YTHDF1: variants seen among roughly 807,000 people sequenced by gnomAD.
The protein encoded by YTHDF1 is YTH domain-containing family protein 1.
Under a neutral mutation model 49.1 loss-of-function variants are expected in YTHDF1, and 16 were observed. That is an observed-to-expected ratio of 0.33 (90% CI 0.22 to 0.49). The LOEUF (loss-of-function observed/expected upper bound fraction) is 0.49, where lower values mean the gene tolerates loss of function less well. Among genes scored for constraint, YTHDF1 ranks in the 20% least tolerant of loss-of-function variants. The probability of loss-of-function intolerance (pLI) is 0.99; values close to 1 mark genes in which losing one functional copy is unlikely to be tolerated. For synonymous variants in YTHDF1, 313 were observed against 290.1 expected (o/e 1.08, Z -0.80); for missense variants, 621 against 744.3 (o/e 0.83, Z 1.93).
chr20:63,211,657 T>C (rs1224143435), intron 3 of YTHDF1, among the ~76,000 whole-genome samples: 1 of 151,844 alleles, frequency 6.6e-6, no homozygotes, highest in Non-Finnish European at 1.5e-5. Context: ...GCTCCGACTT[T>C]ATAAAAATAT....
intron 4 of YTHDF1, among the ~76,000 whole-genome samples, chr20:63,201,530 G>A (rs181546827): frequency 3.3e-5 from 5 of 152,266 alleles, no homozygotes; most frequent in East Asian, 1.9e-4. Context: ...ACTCAATCCC[G>A]TCAGACATCA....
At chr20:63,209,274 A>G (rs2066562670) in intron 3 of YTHDF1, among the ~76,000 whole-genome samples, 1 of 152,092 alleles carries the variant, frequency 6.6e-6, no homozygotes, top group Non-Finnish European at 1.5e-5. Flanking sequence ...CAATTTTTAA[A>G]TTTTCCTTTC....
At position 63,202,606 on chromosome 20, in the gene YTHDF1, T is replaced by C. The variant is rs1250744991; in HGVS notation, c.1334A>G (p.His445Arg). The C allele has an allele frequency of 1.9e-6, 3 of 1,614,082 alleles. No homozygotes were observed. Among genetic ancestry groups the C allele is most frequent in the Non-Finnish European group, 2.5e-6 (3 of 1,180,030 alleles). ...YLLFSVNGSG[H>R]FCGVAEMKSP... is the part of the protein sequence containing the mutation. Reference sequence around the variant, plus strand: ...CTTCATCTCGGCCACCCCACAAAAATGCCCACTCCCATTGACGCTGAAGAG... The same window carrying C: ...CTTCATCTCGGCCACCCCACAAAAACGCCCACTCCCATTGACGCTGAAGAG... Residue 445 changes from histidine (H) to arginine (R), a missense_variant, in exon 4 of 5, where the codon CAT (histidine) becomes CGT (arginine). By Grantham distance (29) the His-to-Arg change is conservative. Around this residue, in one of 2 missense-constraint regions of YTHDF1, gnomAD observed 151 missense variants for 248.5 expected, o/e 0.61. Transcript: ENST00000370339.
chr20:63,206,112 G>T (rs2122982650), intron 3 of YTHDF1, among the ~76,000 whole-genome samples: 1 of 152,264 alleles, frequency 6.6e-6, no homozygotes, highest in South Asian at 2.1e-4. Context: ...CAGGCAAGGG[G>T]ACAGTCCCCC....
At chr20:63,210,030 G>A (rs778500203) in intron 3 of YTHDF1, among the ~76,000 whole-genome samples, 5 of 152,160 alleles carry the variant, frequency 3.3e-5, no homozygotes, top group Non-Finnish European at 7.4e-5. Context: ...GTATGGTACT[G>A]TACGTAACTG....
chr20:63,214,317 G>A (rs920704272), intron 2 of YTHDF1, among the ~76,000 whole-genome samples: 8 of 152,230 alleles, frequency 5.3e-5, no homozygotes, highest in South Asian at 2.1e-4. Flanking sequence ...ATGCCCAAAC[G>A]TATGGAGAAC....
At chr20:63,210,527 T>C (rs1426786413) in intron 3 of YTHDF1, among the ~76,000 whole-genome samples, 4 of 152,126 alleles carry the variant, frequency 2.6e-5, no homozygotes, top group Non-Finnish European at 5.9e-5. Context: ...CTCATGCTTG[T>C]AATCCCAGCA....
rs1379245368 is a variant in YTHDF1 at position 63,195,849 on chromosome 20, A to C, written c.*859T>G. 6.6e-6 allele frequency: 1 copy of C among 152,262 alleles called. No individual in the cohort carries two copies. Among genetic ancestry groups the C allele is most frequent in the Non-Finnish European group, 1.5e-5 (1 of 68,044 alleles). The allele number at this position is 152,262 out of a possible 1,614,324, so 9.4% of individuals were successfully genotyped here. Reference sequence around the variant, plus strand: ...ACACACGATGAAATTTACAACCAGCAGCATCATCCATCACACTGTCTGTAC... The same window carrying C: ...ACACACGATGAAATTTACAACCAGCCGCATCATCCATCACACTGTCTGTAC... On this transcript the variant is annotated 3_prime_UTR_variant, in exon 5 of 5. Transcript: ENST00000370339.
In YTHDF1 at chr20:63,202,468, T is replaced by C. The variant is rs566737055; in HGVS notation, c.1472A>G (p.His491Arg). 1 of 1,614,290 alleles carries C rather than the reference T, an allele frequency of 6.2e-7. No homozygotes were observed. Among genetic ancestry groups the C allele is most frequent in the South Asian group, 1.1e-5 (1 of 91,090 alleles). The stretch of plus-strand genomic sequence containing the variant: ...GTTGTCGTTATTCTCCAGCCTGATG[T>C]GCCGGAGCTGGTTATTGGGTACATC... ...VKDVPNNQLR[H>R]IRLENNDNKP... Residue 491 changes from histidine to arginine, a missense_variant, in exon 4 of 5, where the codon CAC becomes CGC. His to Arg is a conservative substitution (Grantham distance 29). Coordinates refer to ENST00000370339, the MANE Select transcript of YTHDF1 (RefSeq NM_017798.4).
intron 3 of YTHDF1, among the ~76,000 whole-genome samples, chr20:63,210,680 C>T (rs1221271106): frequency 1.3e-5 from 2 of 151,852 alleles, no homozygotes; most frequent in South Asian, 2.1e-4. Flanking sequence ...CCCAGCTACT[C>T]GGGAGGCTGA....
Position 63,203,322 on chromosome 20 carries a change from G to A in YTHDF1, c.618C>T (p.Val206=), listed in dbSNP as rs143100976. 32 of 1,613,342 alleles carry A rather than the reference G, an allele frequency of 2.0e-5. No individual in the cohort carries two copies. In the African/African-American group the frequency reaches 2.9e-4, roughly 15 times the overall value. The change falls in exon 4 of 5, where the codon GTC becomes GTT. Residue 206 remains valine, a synonymous_variant. Transcript: ENST00000370339. This position sits in a 1 kb window ranked among gnomAD's most constrained non-coding sequence, Gnocchi z 4.4. ...SSSAVKTVGS[V]VSSVALTGVL... ...CACCAGTCAGTGCCACGCTGCTGAC[G>A]ACAGAGCCCACCGTCTTGACGGCGG...
Position 63,202,641 on chromosome 20 carries a change from G to A in YTHDF1, c.1299C>T (p.Pro433=), listed in dbSNP as rs61737396. 3.1e-4 allele frequency: 505 copies of A among 1,613,824 alleles called. 2 individuals are homozygous for A. In the African/African-American group the frequency reaches 6.1e-3, roughly 20 times the overall value. The change falls in exon 4 of 5, where the codon CCC becomes CCT. Residue 433 remains proline, a synonymous_variant. Coordinates refer to ENST00000370339, the MANE Select transcript of YTHDF1 (RefSeq NM_017798.4). ...SAFRCMSSKG[P]VYLLFSVNGS... ...CATTGACGCTGAAGAGCAGGTAGACGGGCCCCTTGCTGCTCATGCAGCGGA... is the reference window on the plus strand; with the variant it reads ...CATTGACGCTGAAGAGCAGGTAGACAGGCCCCTTGCTGCTCATGCAGCGGA...
Position 63,203,398 on chromosome 20 carries a change from T to C in YTHDF1, c.542A>G (p.Asn181Ser). 1.2e-6 allele frequency: 2 copies of C among 1,613,128 alleles called. No individual in the cohort carries two copies. Among genetic ancestry groups the C allele is most frequent in the Non-Finnish European group, 1.7e-6 (2 of 1,179,790 alleles). ...GCCAACCATGCCCTGCTCCAGGCTG[T>C]TCATCCCGGGGGCCTTGCTGAGGGT... ...SDTLSKAPGM[N>S]SLEQGMVGLK... Residue 181 changes from asparagine to serine, a missense_variant, in exon 4 of 5, where the codon AAC becomes AGC. Coordinates refer to ENST00000370339, the MANE Select transcript of YTHDF1 (RefSeq NM_017798.4). The surrounding 1 kb of genome is among the most constrained non-coding windows in gnomAD (Gnocchi z 4.4).
rs750076593 is a variant in YTHDF1 at position 63,203,050 on chromosome 20, T to C, written c.890A>G (p.Gln297Arg). 2.5e-6 allele frequency: 4 copies of C among 1,606,304 alleles called. No homozygotes were observed. The change falls in exon 4 of 5, where the codon CAG (glutamine) becomes CGG (arginine). Residue 297 changes from glutamine to arginine, a missense_variant. Physicochemically the swap from Gln to Arg is conservative, Grantham distance 43. Around this residue, in one of 2 missense-constraint regions of YTHDF1, gnomAD observed 470 missense variants for 495.8 expected, o/e 0.95. Coordinates refer to ENST00000370339, the MANE Select transcript of YTHDF1 (RefSeq NM_017798.4). This position sits in a 1 kb window ranked among gnomAD's most constrained non-coding sequence, Gnocchi z 4.4. ...QQAPSPQAAP[Q>R]PQQVAQPLPA... Reference sequence around the variant, plus strand: ...GAGAGGCTGAGCCACCTGCTGGGGCTGTGGGGCAGCCTGTGGAGAGGGTGC... The same window carrying C: ...GAGAGGCTGAGCCACCTGCTGGGGCCGTGGGGCAGCCTGTGGAGAGGGTGC...
intron 3 of YTHDF1, among the ~76,000 whole-genome samples, chr20:63,211,966 C>CACACACAT (rs1403441709): frequency 7.7e-5 from 1 of 12,972 alleles, no homozygotes; most frequent in African/African-American, 1.4e-4. Context: ...AAAATACACA[C>CACACACAT]ACACACACAC....
In YTHDF1 at chr20:63,215,652, G is replaced by C. The variant is rs116161732; in HGVS notation, c.28-51C>G. On this transcript the variant is annotated intron_variant, in intron 1 of 4. Coordinates refer to ENST00000370339, the MANE Select transcript of YTHDF1 (RefSeq NM_017798.4). ...GGGTACACACAACCCGGGGGAAGAG[G>C]GAAACACAAAGTTATTCACCAGAGA... 66 of 1,574,118 alleles carry C rather than the reference G, an allele frequency of 4.2e-5. 1 individual carries two copies. The South Asian group carries it at 7.4e-4, about 18-fold the overall frequency.
At chr20:63,215,230 G>A (rs938241597) in intron 2 of YTHDF1, among the ~76,000 whole-genome samples, 6 of 152,264 alleles carry the variant, frequency 3.9e-5, no homozygotes, top group African/African-American at 1.4e-4. Context: ...ACCTTGGACT[G>A]CCCCTCTCCT....
chr20:63,206,066 C>A (rs2066544489), intron 3 of YTHDF1, among the ~76,000 whole-genome samples: 1 of 152,228 alleles, frequency 6.6e-6, no homozygotes, highest in Admixed American at 6.5e-5. Flanking sequence ...AGGACTTGCT[C>A]CTCGAGTCAC....
rs1382743310 is a variant in YTHDF1 at position 63,216,085 on chromosome 20, G to A, written c.-193C>T. 1 of 249,766 alleles carries A rather than the reference G, an allele frequency of 4.0e-6. No individual in the cohort carries two copies. The highest frequency in any genetic ancestry group is 6.3e-6 in the Non-Finnish European group (1 of 158,474). The allele number at this position is 249,766 out of a possible 1,614,324, so 15.5% of individuals were successfully genotyped here. A position where few individuals can be genotyped will look rare whatever the true frequency, so the allele number is the denominator to read the frequency against. On this transcript the variant is annotated 5_prime_UTR_variant, in exon 1 of 5. Transcript: ENST00000370339. ...GGCAGCGGCGGTGAGCCCGGGACGC[G>A]GACGCACTGAGGAGGCGTCGACTCC...
Sources: allele counts gnomAD v4.1 joint callset (sites outside exome capture counted in the v4.1 genomes callset), GRCh38; gene constraint gnomAD v4.1.1; regional missense constraint gnomAD v4.1.1; non-coding constraint Gnocchi (gnomAD v3.1); transcripts MANE v1.5; gene names NCBI Gene and HGNC (gene_info 2026-07-23, HGNC 2026-07-21).